The following TMEM17 variants were observed in gnomAD, a reference collection of about 807,000 sequenced individuals.
TMEM17 encodes transmembrane protein 17.
Under a neutral mutation model 19.1 loss-of-function variants are expected in TMEM17, and 15 were observed. The ratio of observed to expected loss-of-function variants is 0.78; its 90% CI spans 0.52 to 1.21. The LOEUF (loss-of-function observed/expected upper bound fraction) is 1.21. TMEM17 is among the 50% of genes most tolerant of loss of function. TMEM17 has a pLI of 0.00. For synonymous variants in TMEM17, 103 were observed against 86.9 expected (o/e 1.19, Z -1.03); for missense variants, 245 against 242.3 (o/e 1.01, Z -0.07).
chr2:62,476,221 A>G, the TMEM17 span, among the ~76,000 whole-genome samples: 2 of 152,314 alleles, frequency 1.3e-5, no homozygotes, highest in East Asian at 3.9e-4. Context: ...TGTTGCAGAA[A>G]AAGGCTGGCT....
chr2:62,506,162 C>G lies in TMEM17; in HGVS notation c.-33G>C. 1 of 1,569,204 alleles carries G rather than the reference C, an allele frequency of 6.4e-7. No individual in the cohort carries two copies. The highest frequency in any genetic ancestry group is 1.4e-5 in the African/African-American group (1 of 72,446). ...CCTCAGTATCCCTCACCCCCTCAGA[C>G]ACGGGCTAGTCTGCGGGCGCTCCGA... On this transcript the variant is annotated 5_prime_UTR_variant, in exon 1 of 4. Coordinates refer to ENST00000335390, the MANE Select transcript of TMEM17 (RefSeq NM_198276.3).
In TMEM17 at chr2:62,500,612, A is replaced by T. The variant is rs1573434097; in HGVS notation, c.*597T>A. 6.9e-6 allele frequency: 1 copy of T among 144,766 alleles called. No homozygotes were observed. Among genetic ancestry groups the T allele is most frequent in the Non-Finnish European group, 1.5e-5 (1 of 65,902 alleles). The allele number at this position is 144,766 out of a possible 1,614,324, so 9.0% of individuals were successfully genotyped here. On this transcript the variant is annotated 3_prime_UTR_variant, in exon 4 of 4. Coordinates refer to ENST00000335390, the MANE Select transcript of TMEM17 (RefSeq NM_198276.3). ...AGGTGCCTGCAACCACGCCTAGCTA[A>T]TTTTTTTTTTTTTTGTATTTTTAGT...
At chr2:62,473,270 C>T in the TMEM17 span, among the ~76,000 whole-genome samples, 1 of 152,186 alleles carries the variant, frequency 6.6e-6, no homozygotes, top group African/African-American at 2.4e-5. Flanking sequence ...AACTAAGGTA[C>T]TGGGAGGACC....
chr2:62,484,798 C>T, the TMEM17 span, among the ~76,000 whole-genome samples: 1 of 152,056 alleles, frequency 6.6e-6, no homozygotes, highest in East Asian at 1.9e-4. Flanking sequence ...TCCTGTTTTC[C>T]ATATTGTTTG....
At chr2:62,499,496 T>C (rs1679863989), downstream of TMEM17, among the ~76,000 whole-genome samples, 1 of 152,170 alleles carries the variant, frequency 6.6e-6, no homozygotes, top group Non-Finnish European at 1.5e-5. Context: ...TACTTTGGCA[T>C]GAGAAAGATT....
chr2:62,501,278 T>C lies in TMEM17; in HGVS notation c.528A>G (p.Gln176=). 6.2e-7 allele frequency: 1 copy of C among 1,614,220 alleles called. No homozygotes were observed. Among genetic ancestry groups the C allele is most frequent in the Non-Finnish European group, 8.5e-7 (1 of 1,180,036 alleles). Residue 176 remains glutamine, a synonymous_variant, in exon 4 of 4, where the codon CAA becomes CAG. Transcript: ENST00000335390. ...VNQLAVRFHL[Q]DFDRLSANRG... ...TGTTTGCAGAGAGCCGGTCAAAGTC[T>C]TGGAGGTGGAAACGAACTGCCAACT...
the TMEM17 span, among the ~76,000 whole-genome samples, chr2:62,486,583 T>C: frequency 2.0e-5 from 3 of 152,218 alleles, no homozygotes; most frequent in African/African-American, 7.2e-5. Context: ...CCTAGGGGAT[T>C]TGGTAGACTC....
chr2:62,486,839 A>G, the TMEM17 span, among the ~76,000 whole-genome samples: 1 of 152,072 alleles, frequency 6.6e-6, no homozygotes, highest in Non-Finnish European at 1.5e-5. Context: ...CTCCAATCCC[A>G]GCTACATCAC....
intron 1 of TMEM17, among the ~76,000 whole-genome samples, chr2:62,505,766 G>A (rs1355949583): frequency 6.6e-6 from 1 of 152,164 alleles, no homozygotes; most frequent in Non-Finnish European, 1.5e-5. Context: ...GCGGCACAGA[G>A]ATCGGCCCCA....
chr2:62,474,136 G>C, the TMEM17 span, among the ~76,000 whole-genome samples: 1 of 152,144 alleles, frequency 6.6e-6, no homozygotes, highest in Non-Finnish European at 1.5e-5. Flanking sequence ...GAGCTGCTGC[G>C]TTCTCCACAA....
intron 1 of TMEM17, among the ~76,000 whole-genome samples, chr2:62,503,561 T>C (rs1258399086): frequency 1.3e-5 from 2 of 152,230 alleles, no homozygotes; most frequent in Admixed American, 6.5e-5. Context: ...TCTTCATCTG[T>C]AAAATAGTGA....
chr2:62,464,768 T>C, the TMEM17 span, among the ~76,000 whole-genome samples: 1 of 152,192 alleles, frequency 6.6e-6, no homozygotes, highest in East Asian at 1.9e-4. Flanking sequence ...CAGGGGTCAG[T>C]GAGTCAGGAG....
the TMEM17 span, among the ~76,000 whole-genome samples, chr2:62,484,488 A>G: frequency 2.0e-5 from 3 of 152,230 alleles, no homozygotes; most frequent in African/African-American, 7.2e-5. Context: ...GTGTGTGACC[A>G]AGGAACTGAA....
At chr2:62,494,327 G>A in the TMEM17 span, among the ~76,000 whole-genome samples, 1 of 152,052 alleles carries the variant, frequency 6.6e-6, no homozygotes, top group East Asian at 1.9e-4. Flanking sequence ...ATTGACCACT[G>A]GGAGCAATAG....
the TMEM17 span, among the ~76,000 whole-genome samples, chr2:62,487,209 G>A: frequency 1.3e-5 from 2 of 152,174 alleles, no homozygotes; most frequent in African/African-American, 4.8e-5. Flanking sequence ...GAGGCTCAAG[G>A]AGAATCCATT....
downstream of TMEM17, among the ~76,000 whole-genome samples, chr2:62,498,134 C>T (rs1380960673): frequency 6.6e-6 from 1 of 152,190 alleles, no homozygotes; most frequent in South Asian, 2.1e-4. Context: ...CCTGTAATCC[C>T]AGCACTTTGG....
chr2:62,456,747 A>C, the TMEM17 span, among the ~76,000 whole-genome samples: 1 of 152,238 alleles, frequency 6.6e-6, no homozygotes, highest in Non-Finnish European at 1.5e-5. Flanking sequence ...TTCTGGAGGT[A>C]GGCCCTGGAG....
chr2:62,478,147 A>G, the TMEM17 span, among the ~76,000 whole-genome samples: 1 of 152,232 alleles, frequency 6.6e-6, no homozygotes, highest in Non-Finnish European at 1.5e-5. Context: ...AGGCAGGTCC[A>G]AGGAAGACAG....
chr2:62,499,800 C>G (rs1679873777), downstream of TMEM17, among the ~76,000 whole-genome samples: 1 of 152,136 alleles, frequency 6.6e-6, no homozygotes, highest in Non-Finnish European at 1.5e-5. Flanking sequence ...AAAAAGAAAA[C>G]CTGTAATGAA....
Sources: allele counts gnomAD v4.1 joint callset (sites outside exome capture counted in the v4.1 genomes callset), GRCh38; gene constraint gnomAD v4.1.1; transcripts MANE v1.5; gene names NCBI Gene and HGNC (gene_info 2026-07-23, HGNC 2026-07-21).